LY75: variants seen among roughly 807,000 people sequenced by gnomAD.
The protein encoded by LY75 is lymphocyte antigen 75, also known as C-type lectin domain family 13 member B.
Under a neutral mutation model 231.7 loss-of-function variants are expected in LY75, and 185 were observed. The observed-to-expected ratio is 0.80, with a 90% CI of 0.71 to 0.90. LY75 has a LOEUF of 0.90. Among genes scored for constraint, LY75 ranks in the 40% least tolerant of loss-of-function variants. The pLI, the probability that LY75 is intolerant of heterozygous loss-of-function variation, is 0.00. For synonymous variants in LY75, 668 were observed against 689.0 expected, an observed-to-expected ratio of 0.97 and a Z score of 0.48; for missense variants, 1,947 against 2,050.2, an observed-to-expected ratio of 0.95 and a Z score of 0.97.
At chr2:159,904,532 C>G in intron 1 of LY75, 57 bp downstream of exon 1, 1 of 1,475,132 alleles carries the variant, frequency 6.8e-7, no homozygotes, top group Non-Finnish European at 9.0e-7. Flanking sequence ...TGGAAGGCAG[C>G]AGAGCTGTGG....
At chr2:159,838,185 C>T (rs1273885570) in intron 25 of LY75, among the ~76,000 whole-genome samples, 4 of 152,196 alleles carry the variant, frequency 2.6e-5, no homozygotes, top group Non-Finnish European at 4.4e-5. Flanking sequence ...TATATTGCCA[C>T]TACTCTGTTT....
intron 26 of LY75, 130 bp downstream of exon 26, chr2:159,835,350 G>A: frequency 1.1e-6 from 1 of 936,422 alleles, no homozygotes; most frequent in Non-Finnish European, 1.5e-6. Context: ...AACAAATGTT[G>A]CCATAAAAAG....
intron 29 of LY75, among the ~76,000 whole-genome samples, chr2:159,819,306 C>T (rs77887367): frequency 0.027 from 4,038 of 152,202 alleles, 88 homozygotes; most frequent in East Asian, 0.093. Flanking sequence ...TCACTTTGCA[C>T]GGAATGTTAA....
Position 159,807,136 on chromosome 2 carries a change from CT to C in LY75, c.4826del (p.Gln1609ArgfsTer6), listed in dbSNP as rs1315681565. 7.5e-6 allele frequency: 12 copies of C among 1,610,148 alleles called. No individual in the cohort carries two copies. Among genetic ancestry groups the C allele is most frequent in the Non-Finnish European group, 7.6e-6 (9 of 1,178,346 alleles). On this transcript the variant is annotated frameshift_variant, in exon 34 of 35. Coordinates refer to ENST00000263636, the MANE Select transcript of LY75 (RefSeq NM_002349.4). LOFTEE classifies it high-confidence loss of function. ...WLGLSQHSVD[Q>X]SWSWLDGSEV... Reference sequence around the variant, plus strand: ...CTGATCCATCTAACCAACTCCAAGACTGGTCTGAAGAAAGAAATTAAATACA... The same window carrying C: ...CTGATCCATCTAACCAACTCCAAGACGGTCTGAAGAAAGAAATTAAATACA...
chr2:159,817,192 A>G (rs1683146424), intron 29 of LY75, 160 bp from the exon 30 acceptor site: 1 of 357,856 alleles, frequency 2.8e-6, no homozygotes, highest in Non-Finnish European at 3.9e-6. Flanking sequence ...GGTATGACAC[A>G]TATCTTAGGC....
intron 28 of LY75, among the ~76,000 whole-genome samples, chr2:159,828,970 C>T (rs575991640): frequency 2.0e-5 from 3 of 152,182 alleles, no homozygotes; most frequent in Middle Eastern, 3.4e-3. Context: ...TCTGTAGAGA[C>T]AGAAAGTAGA....
In LY75 at chr2:159,852,241, T is replaced by G. The variant is rs780901394; in HGVS notation, c.2843A>C (p.Lys948Thr). Residue 948 changes from lysine to threonine, a missense_variant, in exon 21 of 35, where the codon AAA (lysine) becomes ACA (threonine). By Grantham distance (78) the Lys-to-Thr change is moderately conservative. Transcript: ENST00000263636. Reference protein sequence around the residue: ...LEKYSPDSAAKVQCSEQWIPF... With the variant: ...LEKYSPDSAATVQCSEQWIPF... The stretch of plus-strand genomic sequence containing the variant: ...AATCCATTGCTCAGAACATTGCACT[T>G]TAGCTGCAGAATCTGGGCTGTATTT... 1.9e-6 allele frequency: 3 copies of G among 1,614,042 alleles called. No homozygotes were observed. The East Asian group carries it at 6.7e-5, about 36-fold the overall frequency.
intron 11 of LY75, among the ~76,000 whole-genome samples, chr2:159,877,936 G>A (rs942897689): frequency 6.6e-6 from 1 of 152,112 alleles, no homozygotes; most frequent in Non-Finnish European, 1.5e-5. Flanking sequence ...TACCCATTGA[G>A]AATAATGGAA....
chr2:159,859,505 T>C (rs892195581), intron 15 of LY75, among the ~76,000 whole-genome samples: 13 of 152,206 alleles, frequency 8.5e-5, no homozygotes, highest in Non-Finnish European at 1.5e-4. Context: ...TACATTTTCC[T>C]TTCAACTCAA....
At position 159,840,920 on chromosome 2, in the gene LY75, C is replaced by T; in HGVS notation, c.3316G>A (p.Glu1106Lys). The change falls in exon 25 of 35, where the codon GAA becomes AAA. Residue 1106 changes from glutamate (E) to lysine (K), a missense_variant. By Grantham distance (56) the Glu-to-Lys change is moderately conservative. Coordinates refer to ENST00000263636, the MANE Select transcript of LY75 (RefSeq NM_002349.4). ...KSRQTLQNAS[E>K]TVKYLNNLYK... ...AGATTATTTAGATACTTTACAGTTT[C>T]TGAAGCATTCTGCAACGTCTGTCTG... is the stretch of plus-strand genomic sequence containing the variant. 6.2e-7 allele frequency: 1 copy of T among 1,614,036 alleles called. No individual in the cohort carries two copies. Among genetic ancestry groups the T allele is most frequent in the Non-Finnish European group, 8.5e-7 (1 of 1,179,960 alleles).
intron 33 of LY75, chr2:159,808,168 T>A (rs1574515996): frequency 1.0e-6 from 1 of 973,110 alleles, no homozygotes; most frequent in Admixed American, 6.2e-5. Context: ...GAGAAGAAAA[T>A]GTCCTGATGT....
chr2:159,839,971 A>ACT (rs926230255), intron 25 of LY75, among the ~76,000 whole-genome samples: 3 of 125,284 alleles, frequency 2.4e-5, no homozygotes, highest in Admixed American at 1.9e-4. Context: ...GCACCACTGT[A>ACT]CTCCAGCCTG....
intron 28 of LY75, among the ~76,000 whole-genome samples, chr2:159,826,273 T>C (rs1399447510): frequency 6.6e-6 from 1 of 152,118 alleles, no homozygotes; most frequent in Admixed American, 6.5e-5. Context: ...AGATACAAAA[T>C]CAATGTGCAA....
intron 10 of LY75, 22 bp from the exon 11 acceptor site, chr2:159,878,515 G>T: frequency 1.2e-6 from 2 of 1,613,180 alleles, no homozygotes; most frequent in Non-Finnish European, 1.7e-6. Flanking sequence ...GAATCAAATT[G>T]GCAAGTGTTT....
In LY75 at chr2:159,886,506, A is replaced by G. The variant is rs980287008; in HGVS notation, c.827T>C (p.Phe276Ser). The G allele has an allele frequency of 1.9e-6, 3 of 1,606,814 alleles. No individual in the cohort carries two copies. The African/African-American group carries it at 4.0e-5, about 22-fold the overall frequency. The change falls in exon 5 of 35, where the codon TTC (phenylalanine) becomes TCC (serine). Residue 276 changes from phenylalanine (F) to serine (S), a missense_variant. Physicochemically the swap from Phe to Ser is radical, Grantham distance 155. Transcript: ENST00000263636. ...GTATAGCTGATTTAAACCAATCCAGAAAATCTTAGCAATGCCTTCTTTTTC... is the reference window on the plus strand; with the variant it reads ...GTATAGCTGATTTAAACCAATCCAGGAAATCTTAGCAATGCCTTCTTTTTC... ...LKEKEGIAKI[F>S]WIGLNQLYSA...
chr2:159,833,032 T>C (rs1426188388), intron 27 of LY75, among the ~76,000 whole-genome samples: 1 of 152,182 alleles, frequency 6.6e-6, no homozygotes, highest in Non-Finnish European at 1.5e-5. Context: ...ATCTAAGCTT[T>C]TGACTGCTCC....
In LY75 at chr2:159,854,464, G is replaced by A. The variant is rs891361235; in HGVS notation, c.2491C>T (p.Leu831=). 11 of 1,613,606 alleles carry A rather than the reference G, an allele frequency of 6.8e-6. No homozygotes were observed. The highest frequency in any genetic ancestry group is 8.5e-6 in the Non-Finnish European group (10 of 1,179,688). The stretch of plus-strand genomic sequence containing the variant: ...TACAGGACGGCTTCTTCATAGTTTA[G>A]GTGAAGATCAGCAACAAACCAATAT... ...SEYWFVADLH[L]NYEEAVLYCA... Residue 831 remains leucine (L), a synonymous_variant, in exon 18 of 35, where the codon CTA becomes TTA. Transcript: ENST00000263636.
rs199828631 is a variant in LY75 at position 159,815,536 on chromosome 2, G to A, written c.4418C>T (p.Thr1473Ile). 1.7e-5 allele frequency: 28 copies of A among 1,613,706 alleles called. No individual in the cohort carries two copies. The highest frequency in any genetic ancestry group is 2.4e-5 in the Non-Finnish European group (28 of 1,179,904). The change falls in exon 31 of 35, where the codon ACA becomes ATA. Residue 1473 changes from threonine (T) to isoleucine (I), a missense_variant. Thr to Ile is a moderately conservative substitution (Grantham distance 89). Transcript: ENST00000263636. ...ESSFEWSDGS[T>I]FDYIPWKGQT... ...GCCTTTCCATGGGATATAGTCAAAT[G>A]TACTACCATCAGACCATTCAAAACT...
intron 15 of LY75, among the ~76,000 whole-genome samples, chr2:159,858,739 T>G (rs1338036498): frequency 6.6e-6 from 1 of 152,242 alleles, no homozygotes; most frequent in Non-Finnish European, 1.5e-5. Flanking sequence ...TGACAATTTT[T>G]GTTAGAATAT....
Sources: allele counts gnomAD v4.1 joint callset (sites outside exome capture counted in the v4.1 genomes callset), GRCh38; gene constraint gnomAD v4.1.1; transcripts MANE v1.5; gene names NCBI Gene and HGNC (gene_info 2026-07-23, HGNC 2026-07-21).